CHSY3: variants seen among roughly 807,000 people sequenced by gnomAD.
CHSY3 encodes chondroitin sulfate synthase 3.
A neutral mutation model predicts 67.2 loss-of-function variants in CHSY3; 35 were observed. The observed-to-expected ratio is 0.52, with a 90% CI of 0.40 to 0.69. The LOEUF is 0.69. Among genes scored for constraint, CHSY3 ranks in the 30% least tolerant of loss-of-function variants. The pLI is 0.00. For missense variants in CHSY3, 1,069 were observed against 1,138.5 expected (o/e 0.94, Z 0.88); for synonymous variants, 474 against 434.7 (o/e 1.09, Z -1.12).
intron 2 of CHSY3, among the ~76,000 whole-genome samples, chr5:130,155,372 G>A (rs1341634938): frequency 6.6e-6 from 1 of 152,208 alleles, no homozygotes; most frequent in African/African-American, 2.4e-5. Context: ...AGTGCTAGTG[G>A]CTTTGTTGGA....
chr5:130,105,906 T>A (rs563639659), intron 2 of CHSY3, among the ~76,000 whole-genome samples: 54 of 151,804 alleles, frequency 3.6e-4, no homozygotes, highest in African/African-American at 1.1e-3. Flanking sequence ...TGGATAGTTA[T>A]AATTGAGTCA....
chr5:130,034,044 C>T (rs1178945508), intron 2 of CHSY3, among the ~76,000 whole-genome samples: 1 of 152,110 alleles, frequency 6.6e-6, no homozygotes, highest in Non-Finnish European at 1.5e-5. Context: ...TCTTCTTAAA[C>T]TAAATCTTGC....
At chr5:129,968,319 T>G (rs1304304522) in intron 2 of CHSY3, among the ~76,000 whole-genome samples, 1 of 151,898 alleles carries the variant, frequency 6.6e-6, no homozygotes, top group Non-Finnish European at 1.5e-5. Flanking sequence ...TTTGAACATA[T>G]ATTTTCAAGT....
At chr5:130,157,913 C>T (rs1349812750) in intron 2 of CHSY3, among the ~76,000 whole-genome samples, 3 of 152,188 alleles carry the variant, frequency 2.0e-5, no homozygotes, top group Non-Finnish European at 4.4e-5. Context: ...TATAGGGTAA[C>T]TTCTGGATGT....
At chr5:129,933,460 T>C (rs890771037) in intron 2 of CHSY3, among the ~76,000 whole-genome samples, 4 of 151,738 alleles carry the variant, frequency 2.6e-5, no homozygotes, top group African/African-American at 9.7e-5. Flanking sequence ...TTCATTTTAA[T>C]AACAAATTTC....
At chr5:130,126,024 T>C (rs1187566650) in intron 2 of CHSY3, among the ~76,000 whole-genome samples, 1 of 152,094 alleles carries the variant, frequency 6.6e-6, no homozygotes, top group Non-Finnish European at 1.5e-5. Flanking sequence ...TAATAATACC[T>C]AGGATATGGT....
At chr5:130,056,398 T>C (rs1436444482) in intron 2 of CHSY3, among the ~76,000 whole-genome samples, 1 of 152,242 alleles carries the variant, frequency 6.6e-6, no homozygotes, top group East Asian at 1.9e-4. Flanking sequence ...TTTCTTTCTC[T>C]TTTGCTTAAA....
chr5:129,928,138 A>G (rs1761177195), intron 2 of CHSY3, among the ~76,000 whole-genome samples: 1 of 151,686 alleles, frequency 6.6e-6, no homozygotes, highest in Non-Finnish European at 1.5e-5. Flanking sequence ...AGATTATTTC[A>G]TCACCCAGGT....
chr5:130,157,576 G>A (rs1158174849), intron 2 of CHSY3, among the ~76,000 whole-genome samples: 1 of 152,180 alleles, frequency 6.6e-6, no homozygotes, highest in Non-Finnish European at 1.5e-5. Flanking sequence ...TTTTCTATGG[G>A]TCACATCTGT....
intron 2 of CHSY3, among the ~76,000 whole-genome samples, chr5:130,104,201 T>C (rs1057015545): frequency 1.3e-5 from 2 of 151,778 alleles, no homozygotes; most frequent in African/African-American, 4.8e-5. Flanking sequence ...ACAAAAAAAA[T>C]TGATTATTCA....
intron 2 of CHSY3, among the ~76,000 whole-genome samples, chr5:130,183,113 C>T (rs1423836937): frequency 6.6e-6 from 1 of 152,026 alleles, no homozygotes; most frequent in Non-Finnish European, 1.5e-5. Flanking sequence ...TTCTCCTCAT[C>T]CCCTCTTTTC....
chr5:129,992,816 T>G (rs960550028), intron 2 of CHSY3, among the ~76,000 whole-genome samples: 5 of 152,348 alleles, frequency 3.3e-5, no homozygotes, highest in African/African-American at 1.2e-4. Flanking sequence ...GCTGGTCTGT[T>G]TGAGGCAATT....
chr5:130,046,070 C>T (rs1195666903), intron 2 of CHSY3, among the ~76,000 whole-genome samples: 1 of 152,076 alleles, frequency 6.6e-6, no homozygotes, highest in African/African-American at 2.4e-5. Context: ...ACTATTATAA[C>T]TCATGTCATT....
chr5:130,179,852 G>C (rs916837697), intron 2 of CHSY3, among the ~76,000 whole-genome samples: 2 of 152,094 alleles, frequency 1.3e-5, no homozygotes, highest in African/African-American at 4.8e-5. Flanking sequence ...ATTTTGGTAG[G>C]AGTGTTTGCT....
chr5:129,930,332 C>CAAA (rs57461404), intron 2 of CHSY3, among the ~76,000 whole-genome samples: 1 of 74,262 alleles, frequency 1.3e-5, no homozygotes, highest in African/African-American at 4.8e-5. Context: ...GACTCTATCT[C>CAAA]AAAAAAAAAA....
Position 129,991,952 on chromosome 5 carries a change from T to C in CHSY3, c.1086+83592T>C, listed in dbSNP as rs1160513872. ...TTATGCCCTTTCTCTGTTTATAGTT[T>C]ATGGATAGGCTCATCCTATAATACA... On this transcript the variant is annotated intron_variant, in intron 2 of 2. Coordinates refer to ENST00000305031, the MANE Select transcript of CHSY3 (RefSeq NM_175856.5). Among the ~76,000 whole-genome samples the C allele has an allele frequency of 3.9e-5, 6 of 152,196 alleles. No individual in the cohort carries two copies. The East Asian group carries it at 9.6e-4, about 24-fold the overall frequency.
intron 2 of CHSY3, among the ~76,000 whole-genome samples, chr5:129,956,507 G>T (rs964133650): frequency 6.6e-6 from 1 of 151,960 alleles, no homozygotes; most frequent in African/African-American, 2.4e-5. Flanking sequence ...TGTGGGTTGT[G>T]TATTTACTCA....
intron 2 of CHSY3, among the ~76,000 whole-genome samples, chr5:130,075,451 A>G (rs1227729288): frequency 2.0e-5 from 3 of 152,122 alleles, no homozygotes; most frequent in Non-Finnish European, 2.9e-5. Context: ...AAAGTACCCA[A>G]TGCCTTTCTG....
At chr5:129,910,053 A>G (rs1760480644) in intron 2 of CHSY3, among the ~76,000 whole-genome samples, 1 of 152,112 alleles carries the variant, frequency 6.6e-6, no homozygotes, top group Non-Finnish European at 1.5e-5. Flanking sequence ...TAAGATATGC[A>G]CAAAAATTGG....
Sources: gnomAD v4.1 joint callset for allele counts (sites outside exome capture counted in the v4.1 genomes callset) on GRCh38, gnomAD v4.1.1 for gene constraint, MANE v1.5 for transcripts, NCBI Gene and HGNC (gene_info 2026-07-23, HGNC 2026-07-21) for gene names.